Variants in RBFOX1 observed in about 807,000 individuals in gnomAD.
RBFOX1 encodes the protein RNA binding protein fox-1 homolog 1.
A neutral mutation model predicts 57.7 loss-of-function variants in RBFOX1; 8 were observed. That is an observed-to-expected ratio of 0.14 (90% CI 0.08 to 0.25). RBFOX1 has a LOEUF of 0.25. RBFOX1 is among the 10% of genes least tolerant of loss of function. The pLI, the probability that RBFOX1 is intolerant of heterozygous loss-of-function variation, is 1.00. For synonymous variants in RBFOX1, 326 were observed against 222.4 expected (o/e 1.47, Z -4.15); for missense variants, 611 against 548.5 (o/e 1.11, Z -1.14).
chr16:5,904,186 G>C (rs1273454764), intron 4 of RBFOX1, among the ~76,000 whole-genome samples: 1 of 152,066 alleles, frequency 6.6e-6, no homozygotes, highest in African/African-American at 2.4e-5. Context: ...CCTCAACAGT[G>C]ATTAGATCCT....
At chr16:6,898,668 CTGTG>C (rs898406314) in intron 3 of RBFOX1, among the ~76,000 whole-genome samples, 2 of 151,956 alleles carry the variant, frequency 1.3e-5, no homozygotes, top group Non-Finnish European at 2.9e-5. Context: ...CTCTGAGTTT[CTGTG>C]TGTGTACATG....
chr16:5,321,119 C>T (rs188977108), intron 1 of RBFOX1, among the ~76,000 whole-genome samples: 4 of 152,252 alleles, frequency 2.6e-5, no homozygotes, highest in East Asian at 1.9e-4. Flanking sequence ...ACCCAGTTTC[C>T]CAAGCTCAGT....
intron 4 of RBFOX1, among the ~76,000 whole-genome samples, chr16:5,998,553 G>A (rs2060530286): frequency 6.6e-6 from 1 of 152,142 alleles, no homozygotes; most frequent in South Asian, 2.1e-4. Flanking sequence ...AATGTATGTG[G>A]ATGCCCAGCA....
intron 2 of RBFOX1, among the ~76,000 whole-genome samples, chr16:5,559,368 T>A (rs893006466): frequency 1.3e-5 from 2 of 152,200 alleles, no homozygotes; most frequent in African/African-American, 4.8e-5. Flanking sequence ...TGTTTTGTAA[T>A]CTGGTGTGGC....
chr16:7,486,509 C>T (rs191353150), intron 4 of RBFOX1, among the ~76,000 whole-genome samples: 128 of 152,170 alleles, frequency 8.4e-4, no homozygotes, highest in African/African-American at 2.9e-3. Context: ...TAACTTCTCT[C>T]GGTTTTATGT....
At position 7,205,189 on chromosome 16, in the gene RBFOX1, G is replaced by A. The variant is rs533557790; in HGVS notation, c.27+153091G>A. Among the ~76,000 whole-genome samples the A allele has an allele frequency of 4.6e-5, 7 of 152,210 alleles. No homozygotes were observed. The South Asian group carries it at 8.3e-4, about 18-fold the overall frequency. On this transcript the variant is annotated intron_variant, in intron 4 of 15. Coordinates refer to ENST00000550418, the MANE Select transcript of RBFOX1 (RefSeq NM_018723.4). Reference sequence around the variant, plus strand: ...ATAGTGAGAGAGATGAGGCTTGCTCGATGAATATTTTGGAAAACTCCAGTT... The same window carrying A: ...ATAGTGAGAGAGATGAGGCTTGCTCAATGAATATTTTGGAAAACTCCAGTT...
chr16:6,638,165 C>T (rs1329602175), intron 2 of RBFOX1, among the ~76,000 whole-genome samples: 3 of 152,000 alleles, frequency 2.0e-5, no homozygotes, highest in Admixed American at 6.6e-5. Context: ...TTTTAATTGT[C>T]TTCTTGCATA....
At position 6,445,561 on chromosome 16, in the gene RBFOX1, CTTTTT is replaced by C. The variant is rs374322471; in HGVS notation, c.-64+128522_-64+128526del. Reference sequence around the variant, plus strand: ...GCTTATTAACCTTGCCTCTGAACTCCTTTTTTTTTTTTTTTTTTTTTTGAGATGGA... The same window carrying C: ...GCTTATTAACCTTGCCTCTGAACTCCTTTTTTTTTTTTTTTTTGAGATGGA... On this transcript the variant is annotated intron_variant, in intron 2 of 15. Coordinates refer to ENST00000550418, the MANE Select transcript of RBFOX1 (RefSeq NM_018723.4). Among the ~76,000 whole-genome samples the C allele has an allele frequency of 2.8e-3, 319 of 114,858 alleles. 1 individual carries two copies. The highest frequency in any genetic ancestry group is 8.9e-3 in the African/African-American group (267 of 29,834). The allele number at this position is 114,858 out of a possible 152,430, so 75.4% of individuals were successfully genotyped here. A position where few individuals can be genotyped will look rare whatever the true frequency, so the allele number is the denominator to read the frequency against.
At chr16:5,771,430 G>T (rs772546704) in intron 3 of RBFOX1, among the ~76,000 whole-genome samples, 1 of 152,026 alleles carries the variant, frequency 6.6e-6, no homozygotes, top group Non-Finnish European at 1.5e-5. Context: ...TTTTCTTGAG[G>T]TGGAGTCTCC....
chr16:7,551,526 C>G (rs1204408854), intron 5 of RBFOX1, among the ~76,000 whole-genome samples: 1 of 152,140 alleles, frequency 6.6e-6, no homozygotes, highest in African/African-American at 2.4e-5. Flanking sequence ...TGCTACTGAG[C>G]TGACATTGTT....
At chr16:5,241,110 C>G (rs1405028142) in intron 1 of RBFOX1, among the ~76,000 whole-genome samples, 1 of 152,210 alleles carries the variant, frequency 6.6e-6, no homozygotes, top group African/African-American at 2.4e-5. Flanking sequence ...CATTCTGAAC[C>G]CATTTGGGCA....
At position 7,407,623 on chromosome 16, in the gene RBFOX1, G is replaced by A. The variant is rs536358729; in HGVS notation, c.28-110524G>A. 5.3e-4 allele frequency among the ~76,000 whole-genome samples: 81 copies of A among 152,170 alleles called. 2 individuals are homozygous for A. Among genetic ancestry groups the A allele is most frequent in the African/African-American group, 1.7e-3 (72 of 41,516 alleles). ...GTGTTCAATAGAAATACAGAAGAAA[G>A]ACTGCTTATTATAGCAACCAAAATA... On this transcript the variant is annotated intron_variant, in intron 4 of 15. Transcript: ENST00000550418.
intron 2 of RBFOX1, among the ~76,000 whole-genome samples, chr16:6,471,621 T>G (rs1189341766): frequency 6.6e-6 from 1 of 151,940 alleles, no homozygotes; most frequent in Non-Finnish European, 1.5e-5. Context: ...AATTTGTATT[T>G]CTGTTAGCTC....
chr16:7,677,344 G>C (rs956422593), intron 14 of RBFOX1, among the ~76,000 whole-genome samples: 1 of 152,134 alleles, frequency 6.6e-6, no homozygotes, highest in African/African-American at 2.4e-5. Flanking sequence ...AGGAGAGGGA[G>C]AGTGTCCCTG....
chr16:5,827,445 A>G (rs113783519), intron 3 of RBFOX1, among the ~76,000 whole-genome samples: 9 of 151,830 alleles, frequency 5.9e-5, no homozygotes, highest in Admixed American at 2.0e-4. Context: ...TGCATTGAAC[A>G]ACTCATATTC....
chr16:6,564,305 G>C (rs1599979305), intron 2 of RBFOX1, among the ~76,000 whole-genome samples: 1 of 152,088 alleles, frequency 6.6e-6, no homozygotes, highest in East Asian at 1.9e-4. Flanking sequence ...GTATTGGCTG[G>C]GCTGCAGTGC....
chr16:7,076,932 A>G (rs1010496292), intron 4 of RBFOX1, among the ~76,000 whole-genome samples: 9 of 152,154 alleles, frequency 5.9e-5, no homozygotes, highest in Non-Finnish European at 1.3e-4. Context: ...ACTTTCTAAC[A>G]ATTTTCTAAC....
At chr16:5,692,165 CTGTGTG>C (rs199585814) in intron 3 of RBFOX1, among the ~76,000 whole-genome samples, 697 of 22,884 alleles carry the variant, frequency 0.03, 8 homozygotes, top group Middle Eastern at 0.15. Flanking sequence ...TAGGGACTGA[CTGTGTG>C]TGTGTGTGTG....
chr16:7,182,554 T>G (rs2082930130), intron 4 of RBFOX1, among the ~76,000 whole-genome samples: 1 of 152,210 alleles, frequency 6.6e-6, no homozygotes, highest in Admixed American at 6.5e-5. Context: ...GGGATAGTCC[T>G]AATACATCCT....
Sources: gnomAD v4.1 joint callset for allele counts (sites outside exome capture counted in the v4.1 genomes callset) on GRCh38, gnomAD v4.1.1 for gene constraint, MANE v1.5 for transcripts, NCBI Gene and HGNC (gene_info 2026-07-23, HGNC 2026-07-21) for gene names.